PHACTR1: variants seen among roughly 807,000 people sequenced by gnomAD.
The protein encoded by PHACTR1 is RPEL repeat containing 1.
A neutral mutation model predicts 69.2 loss-of-function variants in PHACTR1; 16 were observed. The observed-to-expected ratio is 0.23, with a 90% confidence interval of 0.16 to 0.35. PHACTR1 has a LOEUF of 0.35. Ranked by LOEUF, PHACTR1 falls within the 10% of genes least tolerant of loss-of-function variation. The pLI is 1.00. For synonymous variants in PHACTR1, 312 were observed against 284.5 expected (o/e 1.10, Z -0.97); for missense variants, 510 against 734.7 (o/e 0.69, Z 3.54).
At chr6:12,871,860 G>A (rs9472777) in intron 4 of PHACTR1, among the ~76,000 whole-genome samples, 40,821 of 151,500 alleles carry the variant, frequency 0.27, 6,110 homozygotes, top group Middle Eastern at 0.37. Context: ...GCATTGATTA[G>A]CTGGTATTGT....
chr6:13,126,017 C>T (rs1819481605), intron 5 of PHACTR1, among the ~76,000 whole-genome samples: 1 of 151,964 alleles, frequency 6.6e-6, no homozygotes, highest in Non-Finnish European at 1.5e-5. Flanking sequence ...CCAGATTGTG[C>T]ATCTGTGCTT....
intron 5 of PHACTR1, among the ~76,000 whole-genome samples, chr6:13,150,281 C>G (rs1824104147): frequency 6.6e-6 from 1 of 152,068 alleles, no homozygotes; most frequent in African/African-American, 2.4e-5. Flanking sequence ...GGTGGAGTTT[C>G]CAGTGAGCCA....
At chr6:12,915,881 A>C (rs989080274) in intron 4 of PHACTR1, among the ~76,000 whole-genome samples, 1 of 152,174 alleles carries the variant, frequency 6.6e-6, no homozygotes, top group Non-Finnish European at 1.5e-5. Flanking sequence ...TCCTGCCACC[A>C]GTACATTCTC....
At chr6:13,256,474 CA>C (rs1430724587) in intron 10 of PHACTR1, among the ~76,000 whole-genome samples, 1 of 152,202 alleles carries the variant, frequency 6.6e-6, no homozygotes, top group African/African-American at 2.4e-5. Context: ...ACCAAATGGC[CA>C]GGCTGCAAAG....
intron 4 of PHACTR1, among the ~76,000 whole-genome samples, chr6:12,873,009 TTTTC>T (rs1367800727): frequency 6.6e-6 from 1 of 151,752 alleles, no homozygotes; most frequent in African/African-American, 2.4e-5. Context: ...CTTCCTTCCT[TTTTC>T]TTTCTTTCTT....
chr6:12,830,113 GAA>G (rs1295446469), intron 4 of PHACTR1, among the ~76,000 whole-genome samples: 1 of 43,754 alleles, frequency 2.3e-5, no homozygotes, highest in Admixed American at 3.3e-4. Flanking sequence ...AAGAAAGAAA[GAA>G]AGAAAGAAAG....
In PHACTR1 at chr6:12,718,710, T is replaced by C; in HGVS notation, c.-35T>C. 1 of 1,269,150 alleles carries C rather than the reference T, an allele frequency of 7.9e-7. No homozygotes were observed. Among genetic ancestry groups the C allele is most frequent in the Non-Finnish European group, 1.1e-6 (1 of 911,396 alleles). 78.6% of individuals were successfully genotyped at this position (1,269,150 alleles called of 1,614,324 possible). On this transcript the variant is annotated 5_prime_UTR_variant, in exon 3 of 15. Coordinates refer to ENST00000332995, the MANE Select transcript of PHACTR1 (RefSeq NM_030948.6). ...TTTCCTCTTTATAGGTGTTCCAGTG[T>C]TTTCTCTCAAAACTCTGTGTTTGGA...
chr6:12,752,269 T>G (rs1056603706), intron 4 of PHACTR1, among the ~76,000 whole-genome samples: 3 of 152,218 alleles, frequency 2.0e-5, no homozygotes, highest in African/African-American at 7.2e-5. Flanking sequence ...GTTTATCTCC[T>G]TAAGCAGCAA....
chr6:12,970,512 G>A lies in PHACTR1; in HGVS notation c.251-82853G>A, dbSNP rs546573552. On this transcript the variant is annotated intron_variant, in intron 4 of 14. Coordinates refer to ENST00000332995, the MANE Select transcript of PHACTR1 (RefSeq NM_030948.6). The stretch of plus-strand genomic sequence containing the variant: ...TGGCCCGGCGTAGTGGCTCACGCCT[G>A]TAATCCCAGCACGTTGTGAGGCCGA... Among the ~76,000 whole-genome samples the A allele has an allele frequency of 5.9e-5, 9 of 152,340 alleles. No individual in the cohort carries two copies. In the East Asian group the frequency reaches 1.7e-3, roughly 29 times the overall value.
chr6:13,272,597 C>A, intron 10 of PHACTR1: 2 of 950,322 alleles, frequency 2.1e-6, no homozygotes, highest in Non-Finnish European at 3.0e-6. Flanking sequence ...TGCCTGGGGC[C>A]ACTGGAGGAG....
At chr6:13,250,729 G>T (rs1774270246) in intron 10 of PHACTR1, among the ~76,000 whole-genome samples, 1 of 152,220 alleles carries the variant, frequency 6.6e-6, no homozygotes. Flanking sequence ...GCAGGAAAAG[G>T]TGGGGGCTGG....
Position 12,849,510 on chromosome 6 carries a change from A to C in PHACTR1, c.250+99720A>C, listed in dbSNP as rs1437546811. Among the ~76,000 whole-genome samples the C allele has an allele frequency of 1.3e-5, 2 of 152,198 alleles. 1 individual carries two copies. The highest frequency in any genetic ancestry group is 4.1e-4 in the South Asian group (2 of 4,826). Reference sequence around the variant, plus strand: ...AGAAAAAATAGTCTAGATAGCACACAGTAATGGTAGTGGACAGGCTGAGCA... The same window carrying C: ...AGAAAAAATAGTCTAGATAGCACACCGTAATGGTAGTGGACAGGCTGAGCA... On this transcript the variant is annotated intron_variant, in intron 4 of 14. Coordinates refer to ENST00000332995, the MANE Select transcript of PHACTR1 (RefSeq NM_030948.6).
chr6:13,010,277 G>A (rs1174549873), intron 4 of PHACTR1, among the ~76,000 whole-genome samples: 3 of 151,992 alleles, frequency 2.0e-5, no homozygotes, highest in Non-Finnish European at 2.9e-5. Flanking sequence ...ACAGGTTCGC[G>A]CCACCACACC....
intron 4 of PHACTR1, among the ~76,000 whole-genome samples, chr6:12,965,596 G>A (rs770870806): frequency 5.3e-5 from 8 of 152,112 alleles, no homozygotes; most frequent in East Asian, 3.9e-4. Context: ...TACAGTGAGC[G>A]TGGCTCAGGC....
chr6:12,886,396 T>C (rs1783647533), intron 4 of PHACTR1, among the ~76,000 whole-genome samples: 1 of 152,234 alleles, frequency 6.6e-6, no homozygotes, highest in Non-Finnish European at 1.5e-5. Flanking sequence ...AGCATTTCCA[T>C]CATACTTTTT....
rs564417056 is a variant in PHACTR1, at chr6:12,923,678, G to A, written c.251-129687G>A. On this transcript the variant is annotated intron_variant, in intron 4 of 14. Transcript: ENST00000332995. ...CAGAAGCTCATGATTCACTAGTTTT[G>A]CAGTTCTCCCCCATCATTTTCACTA... is the stretch of plus-strand genomic sequence containing the variant. 1.5e-4 allele frequency among the ~76,000 whole-genome samples: 23 copies of A among 152,074 alleles called. 1 individual carries two copies. In the South Asian group the frequency reaches 4.6e-3, roughly 30 times the overall value.
chr6:13,213,478 A>T (rs1159939716), intron 8 of PHACTR1, among the ~76,000 whole-genome samples: 1 of 152,114 alleles, frequency 6.6e-6, no homozygotes, highest in Non-Finnish European at 1.5e-5. Flanking sequence ...GCAACAGGTT[A>T]TGTGTTTCTC....
At chr6:13,194,427 G>A (rs1232376) in intron 7 of PHACTR1, among the ~76,000 whole-genome samples, 134,462 of 143,716 alleles carry the variant, frequency 0.94, 62,619 homozygotes, top group Middle Eastern at 0.97. Context: ...AGAAAGAAAG[G>A]AAAAAGAAAA....
At chr6:13,049,591 C>T (rs1805613134) in intron 4 of PHACTR1, among the ~76,000 whole-genome samples, 1 of 152,198 alleles carries the variant, frequency 6.6e-6, no homozygotes, top group Non-Finnish European at 1.5e-5. Context: ...TACCCATCCC[C>T]TTGAAGCCCA....
Sources: gnomAD v4.1 joint callset for allele counts (sites outside exome capture counted in the v4.1 genomes callset) on GRCh38, gnomAD v4.1.1 for gene constraint, MANE v1.5 for transcripts, NCBI Gene and HGNC (gene_info 2026-07-23, HGNC 2026-07-21) for gene names.